The following KLB variants were observed in gnomAD, a reference collection of about 807,000 sequenced individuals.
KLB encodes beta-klotho.
Under a neutral mutation model 88.4 loss-of-function variants are expected in KLB, and 44 were observed. That is an observed-to-expected ratio of 0.50 (90% CI 0.39 to 0.64). KLB has a LOEUF of 0.64. Among genes scored for constraint, KLB ranks in the 30% least tolerant of loss-of-function variants. The pLI is 0.00. For missense variants in KLB, 1,137 were observed against 1,304.8 expected, an observed-to-expected ratio of 0.87 and a Z score of 1.98; for synonymous variants, 548 against 513.4, an observed-to-expected ratio of 1.07 and a Z score of -0.91.
intron 1 of KLB, among the ~76,000 whole-genome samples, chr4:39,409,061 G>C (rs1020337844): frequency 1.3e-5 from 2 of 151,256 alleles, no homozygotes; most frequent in Admixed American, 1.3e-4. Context: ...CATGTGCATT[G>C]TACTATGGTT....
At chr4:39,427,131 T>G (rs1200332256) in intron 1 of KLB, among the ~76,000 whole-genome samples, 3 of 152,124 alleles carry the variant, frequency 2.0e-5, no homozygotes, top group Non-Finnish European at 4.4e-5. Context: ...GGCCAGGAGT[T>G]CGATACCAGC....
At chr4:39,433,946 G>T (rs1203459914) in intron 1 of KLB, among the ~76,000 whole-genome samples, 1 of 152,136 alleles carries the variant, frequency 6.6e-6, no homozygotes, top group African/African-American at 2.4e-5. Context: ...CCCCAAGAGG[G>T]CCCAGGAAGG....
At chr4:39,438,100 C>A in intron 3 of KLB, 105 bp downstream of exon 3, 1 of 1,026,030 alleles carries the variant, frequency 9.7e-7, no homozygotes, top group Non-Finnish European at 1.4e-6. Context: ...TATCAAATAC[C>A]ACAATTGTAT....
chr4:39,447,440 A>ATTAC lies in KLB; in HGVS notation c.2714_2715insTTAC (p.Gly908ProfsTer15). ...CTGGAGGATGACCGGCTCCGGAAGT[A>ATTAC]CTACCTAGGGAAGTACCTTCAGGAG... On this transcript the variant is annotated frameshift_variant, in exon 4 of 5. Coordinates refer to ENST00000257408, the MANE Select transcript of KLB (RefSeq NM_175737.4). LOFTEE classifies it low-confidence loss of function (END_TRUNC). The ATTAC allele has an allele frequency of 6.2e-7, 1 of 1,607,214 alleles. No individual in the cohort carries two copies. Among genetic ancestry groups the ATTAC allele is most frequent in the South Asian group, 1.1e-5 (1 of 89,742 alleles).
rs2109846221 is a variant in KLB at position 39,446,884 on chromosome 4, G to A, written c.2158G>A (p.Ala720Thr). The A allele has an allele frequency of 6.2e-7, 1 of 1,608,272 alleles. No individual in the cohort carries two copies. The highest frequency in any genetic ancestry group is 8.5e-7 in the Non-Finnish European group (1 of 1,179,668). ...GAAHNLLVAH[A>T]LAWRLYDRQF... ...GGCGCACAACCTGCTGGTGGCCCACGCCCTGGCCTGGCGCCTCTACGACCG... is the reference window on the plus strand; with the variant it reads ...GGCGCACAACCTGCTGGTGGCCCACACCCTGGCCTGGCGCCTCTACGACCG... The change falls in exon 4 of 5, where the codon GCC (alanine) becomes ACC (threonine). Residue 720 changes from alanine (A) to threonine (T), a missense_variant. This residue lies in a region of KLB where 597 missense variants were observed against 765.2 expected (regional missense o/e 0.78). Transcript: ENST00000257408. The surrounding 1 kb of genome is among the most constrained non-coding windows in gnomAD (Gnocchi z 6.4).
chr4:39,412,605 G>A (rs984895750), intron 1 of KLB, among the ~76,000 whole-genome samples: 23 of 152,134 alleles, frequency 1.5e-4, no homozygotes, highest in African/African-American at 4.6e-4. Context: ...TCTTTACTTC[G>A]TGATGGTCAC....
At position 39,437,998 on chromosome 4, in the gene KLB, A is replaced by G; in HGVS notation, c.1605+3A>G. Reference sequence around the variant, plus strand: ...GTGTCACTGAATCTGTTCTTAAGGTAAGTGGTTACTTCCAAATTAACCATA... The same window carrying G: ...GTGTCACTGAATCTGTTCTTAAGGTGAGTGGTTACTTCCAAATTAACCATA... On this transcript the variant is annotated splice_donor_region_variant and intron_variant, in intron 3 of 4. Transcript: ENST00000257408. 6.2e-7 allele frequency: 1 copy of G among 1,608,892 alleles called. No individual in the cohort carries two copies. The highest frequency in any genetic ancestry group is 8.5e-7 in the Non-Finnish European group (1 of 1,177,110).
intron 1 of KLB, among the ~76,000 whole-genome samples, chr4:39,430,609 T>A (rs984915948): frequency 6.9e-6 from 1 of 143,952 alleles, no homozygotes; most frequent in Admixed American, 7.0e-5. Flanking sequence ...TTTTTTTTTT[T>A]TTTTTTTTTG....
intron 3 of KLB, among the ~76,000 whole-genome samples, chr4:39,440,309 T>C (rs145859509): frequency 0.027 from 4,152 of 151,368 alleles, 103 homozygotes; most frequent in Middle Eastern, 0.11. Flanking sequence ...CACGCCCAGC[T>C]AATTTTTGTA....
intron 1 of KLB, among the ~76,000 whole-genome samples, chr4:39,433,678 G>A (rs992179605): frequency 2.0e-5 from 3 of 152,076 alleles, no homozygotes; most frequent in Non-Finnish European, 2.9e-5. Flanking sequence ...TGACCAATAT[G>A]GTGAAACCCT....
chr4:39,411,337 A>AT (rs35160893), intron 1 of KLB, among the ~76,000 whole-genome samples: 41,818 of 102,716 alleles, frequency 0.41, 8,915 homozygotes, highest in East Asian at 0.58. Context: ...TTTTGTTTTG[A>AT]TTTTTTTTTT....
rs1283986287 is a variant in KLB at position 39,437,817 on chromosome 4, G to A, written c.1427G>A (p.Arg476Gln). 6.2e-6 allele frequency: 10 copies of A among 1,614,060 alleles called. No individual in the cohort carries two copies. Among genetic ancestry groups the A allele is most frequent in the African/African-American group, 1.3e-5 (1 of 74,922 alleles). ...TGGCAGGATGCTTACACCATCCGCC[G>A]AGGATTATTTTATGTGGATTTTAAC... is the stretch of plus-strand genomic sequence containing the variant. The part of the protein sequence containing the change: ...FEWQDAYTIR[R>Q]GLFYVDFNSK... The change falls in exon 3 of 5, where the codon CGA becomes CAA. Residue 476 changes from arginine to glutamine, a missense_variant. Around this residue, in one of 4 missense-constraint regions of KLB, gnomAD observed 597 missense variants for 765.2 expected, o/e 0.78. Coordinates refer to ENST00000257408, the MANE Select transcript of KLB (RefSeq NM_175737.4).
intron 3 of KLB, among the ~76,000 whole-genome samples, chr4:39,440,556 C>T (rs915931456): frequency 6.6e-6 from 1 of 152,118 alleles, no homozygotes; most frequent in Non-Finnish European, 1.5e-5. Flanking sequence ...TTATGAATCT[C>T]AACCCCTGTG....
In KLB at chr4:39,406,980, G is replaced by A. The variant is rs1389322351; in HGVS notation, c.31G>A (p.Gly11Arg). 3.1e-6 allele frequency: 5 copies of A among 1,612,380 alleles called. No homozygotes were observed. Among genetic ancestry groups the A allele is most frequent in the East Asian group, 2.2e-5 (1 of 44,860 alleles). The change falls in exon 1 of 5, where the codon GGG becomes AGG. Residue 11 changes from glycine (G) to arginine (R), a missense_variant. By Grantham distance (125) the Gly-to-Arg change is moderately radical (BLOSUM62 -2). This residue lies in a region of KLB where 111 missense variants were observed against 118.3 expected (regional missense o/e 0.94). Transcript: ENST00000257408. The stretch of plus-strand genomic sequence containing the variant: ...GCCAGGCTGTGCGGCAGGATCTCCA[G>A]GGAATGAATGGATTTTCTTCAGCAC... MKPGCAAGSP[G>R]NEWIFFSTDE...
intron 1 of KLB, among the ~76,000 whole-genome samples, chr4:39,425,973 GC>G (rs1743199761): frequency 6.6e-6 from 1 of 150,880 alleles, no homozygotes; most frequent in Non-Finnish European, 1.5e-5. Context: ...CAAAAACTAG[GC>G]CGGGCGCTTG....
At chr4:39,436,491 G>A (rs1294587406) in intron 2 of KLB, among the ~76,000 whole-genome samples, 1 of 152,138 alleles carries the variant, frequency 6.6e-6, no homozygotes, top group Non-Finnish European at 1.5e-5. Context: ...ACAGCTATAG[G>A]CTAGAACCAG....
intron 1 of KLB, among the ~76,000 whole-genome samples, chr4:39,412,925 A>G (rs1367216549): frequency 1.3e-5 from 2 of 152,228 alleles, no homozygotes; most frequent in Non-Finnish European, 2.9e-5. Flanking sequence ...ATTATTGCAA[A>G]CTGTCGAAAT....
chr4:39,414,588 C>A (rs370306797), intron 1 of KLB, among the ~76,000 whole-genome samples: 2 of 151,796 alleles, frequency 1.3e-5, no homozygotes, highest in African/African-American at 4.8e-5. Context: ...AAGCAAAATT[C>A]GGCCAGGTGT....
chr4:39,447,174 C>A lies in KLB; in HGVS notation c.2448C>A (p.Gly816=), dbSNP rs761908209. Residue 816 remains glycine, a synonymous_variant, in exon 4 of 5, where the codon GGC becomes GGA. Coordinates refer to ENST00000257408, the MANE Select transcript of KLB (RefSeq NM_175737.4). ...AGGCCGAAAGGAGGCTGCTCAAGGG[C>A]ACGGTCGACTTCTGCGCGCTCAACC... ...LTEAERRLLK[G]TVDFCALNHF... The A allele has an allele frequency of 7.4e-6, 12 of 1,613,792 alleles. No individual in the cohort carries two copies. The highest frequency in any genetic ancestry group is 1.1e-5 in the South Asian group (1 of 91,086).
Sources: gnomAD v4.1 joint callset for allele counts (sites outside exome capture counted in the v4.1 genomes callset) on GRCh38, gnomAD v4.1.1 for gene constraint, gnomAD v4.1.1 regional missense constraint, Gnocchi (gnomAD v3.1) non-coding constraint, MANE v1.5 for transcripts, NCBI Gene and HGNC (gene_info 2026-07-23, HGNC 2026-07-21) for gene names.